Variants in MAP3K2 observed in about 807,000 individuals in gnomAD.
MAP3K2 encodes the protein MAP/ERK kinase kinase 2.
In MAP3K2, 24 loss-of-function variants were observed where a neutral mutation model predicts 80.3. That is an observed-to-expected ratio of 0.30 (90% CI 0.22 to 0.42). The LOEUF (loss-of-function observed/expected upper bound fraction) is 0.42, where lower values mean the gene tolerates loss of function less well. Among genes scored for constraint, MAP3K2 ranks in the 10% least tolerant of loss-of-function variants. The probability of loss-of-function intolerance (pLI) is 1.00; values close to 1 mark genes in which losing one functional copy is unlikely to be tolerated. For synonymous variants in MAP3K2, 244 were observed against 253.7 expected (o/e 0.96, Z 0.36); for missense variants, 608 against 750.1 (o/e 0.81, Z 2.21).
chr2:127,331,922 T>C (rs982798312), intron 5 of MAP3K2, among the ~76,000 whole-genome samples: 1 of 152,200 alleles, frequency 6.6e-6, no homozygotes, highest in African/African-American at 2.4e-5. Flanking sequence ...GTCCTTGTTA[T>C]AAGAAAGGCT....
rs936725067 is a variant in MAP3K2, at chr2:127,310,326, G to C, written c.1457-1564C>G. On this transcript the variant is annotated intron_variant, in intron 15 of 16. Transcript: ENST00000682094. This position sits in a 1 kb window ranked among gnomAD's most constrained non-coding sequence, Gnocchi z 4.8. ...ATCAGCCATTTCTCAAGGAGGCCTG[G>C]TTCCTTTTAGTGGAGAATGGTATTA... is the stretch of plus-strand genomic sequence containing the variant. Among the ~76,000 whole-genome samples the C allele has an allele frequency of 1.3e-5, 2 of 151,918 alleles. No homozygotes were observed. The highest frequency in any genetic ancestry group is 2.4e-5 in the African/African-American group (1 of 41,322).
chr2:127,338,146 A>C (rs1686408463), intron 3 of MAP3K2, among the ~76,000 whole-genome samples: 1 of 152,218 alleles, frequency 6.6e-6, no homozygotes, highest in African/African-American at 2.4e-5. Context: ...CTCATTTCTA[A>C]AAATCCAGAG....
At position 127,318,279 on chromosome 2, in the gene MAP3K2, G is replaced by A; in HGVS notation, c.1084C>T (p.Leu362Phe). 1 of 1,606,842 alleles carries A rather than the reference G, an allele frequency of 6.2e-7. No homozygotes were observed. Among genetic ancestry groups the A allele is most frequent in the Non-Finnish European group, 8.5e-7 (1 of 1,177,276 alleles). The part of the protein sequence containing the change: ...APTNWRLGKL[L>F]GQGAFGRVYL... ...ACCCTTCCAAAGGCTCCTTGGCCAA[G>A]CAGTTTGCCCAATCTCCAGTTGGTC... is the stretch of plus-strand genomic sequence containing the variant. Residue 362 changes from leucine (L) to phenylalanine (F), a missense_variant, in exon 13 of 17, where the codon CTT (leucine) becomes TTT (phenylalanine). Coordinates refer to ENST00000682094, the MANE Select transcript of MAP3K2 (RefSeq NM_001371910.2).
chr2:127,359,926 T>C (rs750796609), intron 1 of MAP3K2, among the ~76,000 whole-genome samples: 41 of 152,222 alleles, frequency 2.7e-4, no homozygotes, highest in Non-Finnish European at 4.7e-4. Flanking sequence ...CTTTTCTTTA[T>C]AAATTATCTA....
chr2:127,324,533 G>C (rs1173436414), intron 9 of MAP3K2, among the ~76,000 whole-genome samples: 1 of 152,200 alleles, frequency 6.6e-6, no homozygotes, highest in African/African-American at 2.4e-5. Flanking sequence ...ACTTAACTAT[G>C]TAACCTTGGC....
Position 127,387,537 on chromosome 2 carries a change from G to A in MAP3K2, c.-151C>T, listed in dbSNP as rs1687390678. On this transcript the variant is annotated 5_prime_UTR_variant, in exon 1 of 17. Transcript: ENST00000682094. ...CCGCCCCTCCGCCCCAGCGCGGCCT[G>A]TCACCGCGGCCCCAGGTCGGGGGCT... 2.0e-6 allele frequency: 2 copies of A among 984,942 alleles called. No individual in the cohort carries two copies. The highest frequency in any genetic ancestry group is 2.4e-6 in the Non-Finnish European group (2 of 829,722). The allele number at this position is 984,942 out of a possible 1,614,324, so 61.0% of individuals were successfully genotyped here.
rs746918831 is a variant in MAP3K2, at chr2:127,301,879, A to G, written c.*5700T>C. Reference sequence around the variant, plus strand: ...CCCCCAAGAGCTCATTTCCATCAACAGCTCTGGAAGGTGAGTATGGGAAGA... The same window carrying G: ...CCCCCAAGAGCTCATTTCCATCAACGGCTCTGGAAGGTGAGTATGGGAAGA... On this transcript the variant is annotated 3_prime_UTR_variant, in exon 17 of 17. Transcript: ENST00000682094. 2 of 152,186 alleles carry G rather than the reference A, an allele frequency of 1.3e-5. No homozygotes were observed. The highest frequency in any genetic ancestry group is 2.9e-5 in the Non-Finnish European group (2 of 68,030). 9.4% of individuals were successfully genotyped at this position (152,186 alleles called of 1,614,324 possible).
intron 2 of MAP3K2, among the ~76,000 whole-genome samples, chr2:127,342,714 C>T (rs1374501960): frequency 2.0e-5 from 3 of 152,052 alleles, no homozygotes; most frequent in African/African-American, 7.2e-5. Context: ...TGAACATACA[C>T]AATCCATTCC....
chr2:127,365,648 G>C (rs1686960246), intron 1 of MAP3K2, among the ~76,000 whole-genome samples: 1 of 152,172 alleles, frequency 6.6e-6, no homozygotes, highest in African/African-American at 2.4e-5. Context: ...AAAAGAGGCA[G>C]CTACACAGAG....
At chr2:127,358,106 G>A (rs1686825441) in intron 1 of MAP3K2, among the ~76,000 whole-genome samples, 1 of 151,830 alleles carries the variant, frequency 6.6e-6, no homozygotes. Context: ...AATATCTAAA[G>A]TACTCTTACA....
rs746851344 is a variant in MAP3K2, at chr2:127,318,317, G to A, written c.1046C>T (p.Ser349Leu). The change falls in exon 13 of 17, where the codon TCA (serine) becomes TTA (leucine). Residue 349 changes from serine (S) to leucine (L), a missense_variant and splice_region_variant. By Grantham distance (145) the Ser-to-Leu change is moderately radical. Transcript: ENST00000682094. ...TCTCCAGTTGGTCGGAGCTCGAGGTGCTGAAAAAGAACACTTTCTTAAAGT... is the reference window on the plus strand; with the variant it reads ...TCTCCAGTTGGTCGGAGCTCGAGGTACTGAAAAAGAACACTTTCTTAAAGT... ...TVMDISPPSR[S>L]PRAPTNWRLG... The A allele has an allele frequency of 1.3e-6, 2 of 1,579,366 alleles. No homozygotes were observed. Among genetic ancestry groups the A allele is most frequent in the South Asian group, 1.2e-5 (1 of 83,614 alleles).
rs1472626883 is a variant in MAP3K2, at chr2:127,365,387, T to C, written c.-66+22065A>G. On this transcript the variant is annotated intron_variant, in intron 1 of 16. Coordinates refer to ENST00000682094, the MANE Select transcript of MAP3K2 (RefSeq NM_001371910.2). ...CCCCCACTGTGTTTCTTTTCATCCT[T>C]AACTGCTGTGGCAGTTTATACTGTG... Among the ~76,000 whole-genome samples, 4 of 149,036 alleles carry C rather than the reference T, an allele frequency of 2.7e-5. No individual in the cohort carries two copies. In the East Asian group the frequency reaches 6.0e-4, roughly 22 times the overall value.
At chr2:127,333,595 G>T (rs897355648) in intron 5 of MAP3K2, among the ~76,000 whole-genome samples, 6 of 152,166 alleles carry the variant, frequency 3.9e-5, no homozygotes, top group African/African-American at 7.2e-5. Context: ...GTCAAGATAT[G>T]AAACAGGATA....
At chr2:127,318,387 G>A (rs1685949814) in intron 12 of MAP3K2, 70 bp from the exon 13 acceptor site, 3 of 1,202,926 alleles carry the variant, frequency 2.5e-6, no homozygotes, top group Non-Finnish European at 3.3e-6. Context: ...AACTAAATGA[G>A]CATACTGCAT....
chr2:127,356,859 A>C (rs1686806502), intron 1 of MAP3K2, among the ~76,000 whole-genome samples: 1 of 152,228 alleles, frequency 6.6e-6, no homozygotes, highest in Admixed American at 6.5e-5. Flanking sequence ...ACAGGCAACA[A>C]AAACAAAAAT....
At chr2:127,345,266 AC>A (rs1686577529) in intron 1 of MAP3K2, among the ~76,000 whole-genome samples, 2 of 151,890 alleles carry the variant, frequency 1.3e-5, no homozygotes, top group African/African-American at 4.8e-5. Context: ...CAAAACAGAC[AC>A]AAAAATTGTT....
At position 127,386,857 on chromosome 2, in the gene MAP3K2, G is replaced by T. The variant is rs571351237; in HGVS notation, c.-66+595C>A. Among the ~76,000 whole-genome samples, 17 of 152,238 alleles carry T rather than the reference G, an allele frequency of 1.1e-4. No homozygotes were observed. In the South Asian group the frequency reaches 2.1e-3, roughly 19 times the overall value. ...AATACAGTCTTACAAAAAGACATCT[G>T]CATATTCGAACCAAGCCTTCCTGGA... is the stretch of plus-strand genomic sequence containing the variant. On this transcript the variant is annotated intron_variant, in intron 1 of 16. Coordinates refer to ENST00000682094, the MANE Select transcript of MAP3K2 (RefSeq NM_001371910.2).
intron 1 of MAP3K2, among the ~76,000 whole-genome samples, chr2:127,350,288 G>C (rs1326020623): frequency 2.0e-5 from 3 of 147,114 alleles, no homozygotes; most frequent in African/African-American, 7.4e-5. Flanking sequence ...AAATAATGTT[G>C]GATTACAGGC....
intron 2 of MAP3K2, among the ~76,000 whole-genome samples, chr2:127,340,795 C>T (rs866398915): frequency 1.3e-5 from 2 of 151,958 alleles, no homozygotes; most frequent in South Asian, 2.1e-4. Context: ...TGGGCTCAAG[C>T]GATCCTCCCA....
Sources: gnomAD v4.1 joint callset for allele counts (sites outside exome capture counted in the v4.1 genomes callset) on GRCh38, gnomAD v4.1.1 for gene constraint, Gnocchi (gnomAD v3.1) non-coding constraint, MANE v1.5 for transcripts, NCBI Gene and HGNC (gene_info 2026-07-23, HGNC 2026-07-21) for gene names.